LYL1: variants seen among roughly 807,000 people sequenced by gnomAD.
LYL1 encodes protein lyl-1.
A neutral mutation model predicts 11.1 loss-of-function variants in LYL1; 4 were observed. The ratio of observed to expected loss-of-function variants is 0.36; its 90% CI spans 0.18 to 0.82. LYL1 has a LOEUF of 0.82. Ranked by LOEUF, LYL1 falls within the 40% of genes least tolerant of loss-of-function variation. The pLI is 0.49. For missense variants in LYL1, 356 were observed against 397.6 expected (o/e 0.90, Z 0.89); for synonymous variants, 179 against 174.8 (o/e 1.02, Z -0.19).
At position 13,102,071 on chromosome 19, in the gene LYL1, G is replaced by A. The variant is rs1452826506; in HGVS notation, c.-25+460C>T. 2.3e-5 allele frequency: 5 copies of A among 215,358 alleles called. No homozygotes were observed. The highest frequency in any genetic ancestry group is 1.4e-3 in the Middle Eastern group (1 of 692). The allele number at this position is 215,358 out of a possible 1,614,324, so 13.3% of individuals were successfully genotyped here. A position where few individuals can be genotyped will look rare whatever the true frequency, so the allele number is the denominator to read the frequency against. ...ACTGCAGCCTCAAATTCCTGGGCTC[G>A]AGCCATCCTCCTGTCTCAGCCTCCT... On this transcript the variant is annotated intron_variant, in intron 1 of 3. Coordinates refer to ENST00000264824, the MANE Select transcript of LYL1 (RefSeq NM_005583.5). The surrounding 1 kb of genome is among the most constrained non-coding windows in gnomAD (Gnocchi z 4.9).
At position 13,102,130 on chromosome 19, in the gene LYL1, C is replaced by T; in HGVS notation, c.-25+401G>A. 1 of 210,050 alleles carries T rather than the reference C, an allele frequency of 4.8e-6. No homozygotes were observed. Among genetic ancestry groups the T allele is most frequent in the Admixed American group, 5.9e-5 (1 of 16,946 alleles). 13.0% of individuals were successfully genotyped at this position (210,050 alleles called of 1,614,324 possible). A position where few individuals can be genotyped will look rare whatever the true frequency, so the allele number is the denominator to read the frequency against. ...GAGAGTACAGGCATGTGCCACCATGCCCGGCTAATTTAAAAAAAAAAATTT... is the reference window on the plus strand; with the variant it reads ...GAGAGTACAGGCATGTGCCACCATGTCCGGCTAATTTAAAAAAAAAAATTT... On this transcript the variant is annotated intron_variant, in intron 1 of 3. Transcript: ENST00000264824. The surrounding 1 kb of genome is among the most constrained non-coding windows in gnomAD (Gnocchi z 4.9).
rs1476283801 is a variant in LYL1, at chr19:13,099,535, T to G, written c.627A>C (p.Gln209His). ...IGFLVRLLRD[Q>H]AAALAAGPTP... is the part of the protein sequence containing the mutation. Reference sequence around the variant, plus strand: ...TGGGGCCTGCGGCCAGAGCTGCGGCTTGGTCGCGCAGCAGCCGCACCAGGA... The same window carrying G: ...TGGGGCCTGCGGCCAGAGCTGCGGCGTGGTCGCGCAGCAGCCGCACCAGGA... Residue 209 changes from glutamine (Q) to histidine (H), a missense_variant, in exon 4 of 4, where the codon CAA (glutamine) becomes CAC (histidine). By Grantham distance (24) the Gln-to-His change is conservative. Transcript: ENST00000264824. This position sits in a 1 kb window ranked among gnomAD's most constrained non-coding sequence, Gnocchi z 5.3. 2 of 1,509,628 alleles carry G rather than the reference T, an allele frequency of 1.3e-6. No homozygotes were observed. The highest frequency in any genetic ancestry group is 1.8e-6 in the Non-Finnish European group (2 of 1,125,490). 93.5% of individuals were successfully genotyped at this position (1,509,628 alleles called of 1,614,324 possible). A position where few individuals can be genotyped will look rare whatever the true frequency, so the allele number is the denominator to read the frequency against.
rs760109755 is a variant in LYL1, at chr19:13,099,753, G to T, written c.428-19C>A. The T allele has an allele frequency of 1.1e-5, 16 of 1,426,530 alleles. No individual in the cohort carries two copies. In the African/African-American group the frequency reaches 1.9e-4, roughly 17 times the overall value. The allele number at this position is 1,426,530 out of a possible 1,614,324, so 88.4% of individuals were successfully genotyped here. A position where few individuals can be genotyped will look rare whatever the true frequency, so the allele number is the denominator to read the frequency against. On this transcript the variant is annotated intron_variant, in intron 3 of 3. Transcript: ENST00000264824. This position sits in a 1 kb window ranked among gnomAD's most constrained non-coding sequence, Gnocchi z 5.3. ...TGGTGCCCTGTGGACAAGGAGGGCC[G>T]GGTTGGTGCCATGGCCCAAAGGGCG...
rs868218460 is a variant in LYL1 at position 13,102,133 on chromosome 19, G to A, written c.-25+398C>T. The stretch of plus-strand genomic sequence containing the variant: ...AGTACAGGCATGTGCCACCATGCCC[G>A]GCTAATTTAAAAAAAAAAATTTTTT... On this transcript the variant is annotated intron_variant, in intron 1 of 3. Coordinates refer to ENST00000264824, the MANE Select transcript of LYL1 (RefSeq NM_005583.5). This position sits in a 1 kb window ranked among gnomAD's most constrained non-coding sequence, Gnocchi z 4.9. 8 of 208,658 alleles carry A rather than the reference G, an allele frequency of 3.8e-5. No individual in the cohort carries two copies. The highest frequency in any genetic ancestry group is 9.1e-5 in the African/African-American group (4 of 43,774). The allele number at this position is 208,658 out of a possible 1,614,324, so 12.9% of individuals were successfully genotyped here.
intron 3 of LYL1, among the ~76,000 whole-genome samples, chr19:13,100,037 C>T (rs1308650838): frequency 2.0e-5 from 3 of 152,210 alleles, no homozygotes. Context: ...GGAAGCTGTC[C>T]GTGGGGCCCT....
At position 13,099,783 on chromosome 19, in the gene LYL1, C is replaced by T; in HGVS notation, c.428-49G>A. ...GGTGCCATGGCCCAAAGGGCGGCCC[C>T]TCCTGCCCTCCCGCTAGACACGCAG... On this transcript the variant is annotated intron_variant, in intron 3 of 3. Coordinates refer to ENST00000264824, the MANE Select transcript of LYL1 (RefSeq NM_005583.5). The surrounding 1 kb of genome is among the most constrained non-coding windows in gnomAD (Gnocchi z 5.3). 2.2e-6 allele frequency: 3 copies of T among 1,353,920 alleles called. No homozygotes were observed. Among genetic ancestry groups the T allele is most frequent in the South Asian group, 1.6e-5 (1 of 62,304 alleles). 83.9% of individuals were successfully genotyped at this position (1,353,920 alleles called of 1,614,324 possible). A position where few individuals can be genotyped will look rare whatever the true frequency, so the allele number is the denominator to read the frequency against.
Position 13,100,891 on chromosome 19 carries a change from C to T in LYL1, c.281G>A (p.Gly94Glu). ...CAGGGCCAAAGTGGGCGGGGCAGTT[C>T]CCAGGGTGGAGAGTTGCAGCAGCGG... ...RPPLLQLSTLGTAPPTLALHY... is the reference protein window; with the variant it reads ...RPPLLQLSTLETAPPTLALHY... Residue 94 changes from glycine (G) to glutamate (E), a missense_variant, in exon 2 of 4, where the codon GGA becomes GAA. Gly to Glu is a moderately conservative substitution (Grantham distance 98, BLOSUM62 -2). Transcript: ENST00000264824. The T allele has an allele frequency of 1.3e-6, 2 of 1,563,592 alleles. No individual in the cohort carries two copies. The highest frequency in any genetic ancestry group is 1.7e-6 in the Non-Finnish European group (2 of 1,154,194).
In LYL1 at chr19:13,101,051, G is replaced by T. The variant is rs901295130; in HGVS notation, c.121C>A (p.Gln41Lys). ...CCTCGGTGGCCCACCTCCTCCACCT[G>T]CGGGGGCCCAGGCGAGGCAGGCTTA... Reference protein sequence around the residue: ...PPKPASPGPPQVEEVGHRGGS... With the variant: ...PPKPASPGPPKVEEVGHRGGS... The change falls in exon 2 of 4, where the codon CAG becomes AAG. Residue 41 changes from glutamine (Q) to lysine (K), a missense_variant. Coordinates refer to ENST00000264824, the MANE Select transcript of LYL1 (RefSeq NM_005583.5). This position sits in a 1 kb window ranked among gnomAD's most constrained non-coding sequence, Gnocchi z 5.1. The T allele has an allele frequency of 6.7e-7, 1 of 1,487,898 alleles. No individual in the cohort carries two copies. The highest frequency in any genetic ancestry group is 8.9e-7 in the Non-Finnish European group (1 of 1,120,440). The allele number at this position is 1,487,898 out of a possible 1,614,324, so 92.2% of individuals were successfully genotyped here.
rs2018686258 is a variant in LYL1, at chr19:13,101,402, C to T, written c.-24-207G>A. 1.4e-5 allele frequency: 6 copies of T among 423,730 alleles called. No individual in the cohort carries two copies. Among genetic ancestry groups the T allele is most frequent in the Non-Finnish European group, 2.1e-5 (5 of 241,304 alleles). The allele number at this position is 423,730 out of a possible 1,614,324, so 26.2% of individuals were successfully genotyped here. On this transcript the variant is annotated intron_variant, in intron 1 of 3. Coordinates refer to ENST00000264824, the MANE Select transcript of LYL1 (RefSeq NM_005583.5). This position sits in a 1 kb window ranked among gnomAD's most constrained non-coding sequence, Gnocchi z 5.1. ...GGGTCCTACGTTAGAGTAGGAGGCG[C>T]CCCCCAGGTGCTAGGCAGCGCACTG...
rs1017004407 is a variant in LYL1, at chr19:13,100,891, C to G, written c.281G>C (p.Gly94Ala). The change falls in exon 2 of 4, where the codon GGA becomes GCA. Residue 94 changes from glycine to alanine, a missense_variant. By Grantham distance (60) the Gly-to-Ala change is moderately conservative (BLOSUM62 0). Transcript: ENST00000264824. ...CAGGGCCAAAGTGGGCGGGGCAGTTCCCAGGGTGGAGAGTTGCAGCAGCGG... is the reference window on the plus strand; with the variant it reads ...CAGGGCCAAAGTGGGCGGGGCAGTTGCCAGGGTGGAGAGTTGCAGCAGCGG... The part of the protein sequence containing the change: ...RPPLLQLSTL[G>A]TAPPTLALHY... 1 of 1,563,592 alleles carries G rather than the reference C, an allele frequency of 6.4e-7. No homozygotes were observed. Among genetic ancestry groups the G allele is most frequent in the African/African-American group, 1.4e-5 (1 of 73,854 alleles).
At chr19:13,100,809 C>T (rs1290466351) in intron 2 of LYL1, 28 bp downstream of exon 2, 2 of 1,600,998 alleles carry the variant, frequency 1.2e-6, no homozygotes, top group Non-Finnish European at 1.7e-6. Context: ...CCAATCCCCA[C>T]TGCCCCCCAC....
chr19:13,100,681 G>C lies in LYL1; in HGVS notation c.403C>G (p.His135Asp). ...CCCTCAGCCAGGTCCAGCTCACAGTGGCTTGGTCTCCGCTTCAACCGGCTG... is the reference window on the plus strand; with the variant it reads ...CCCTCAGCCAGGTCCAGCTCACAGTCGCTTGGTCTCCGCTTCAACCGGCTG... ...PSSRLKRRPSHCELDLAEGHQ... is the reference protein window; with the variant it reads ...PSSRLKRRPSDCELDLAEGHQ... The change falls in exon 3 of 4, where the codon CAC becomes GAC. Residue 135 changes from histidine (H) to aspartate (D), a missense_variant. Physicochemically the swap from His to Asp is moderately conservative, Grantham distance 81. Transcript: ENST00000264824. 2 of 1,614,212 alleles carry C rather than the reference G, an allele frequency of 1.2e-6. No individual in the cohort carries two copies. The highest frequency in any genetic ancestry group is 1.6e-4 in the Middle Eastern group (1 of 6,062).
Position 13,099,649 on chromosome 19 carries a change from G to C in LYL1, c.513C>G (p.Ala171=), listed in dbSNP as rs140631734. The C allele has an allele frequency of 2.5e-4, 386 of 1,553,016 alleles. 1 individual carries two copies. In the African/African-American group the frequency reaches 3.9e-3, roughly 16 times the overall value. The change falls in exon 4 of 4, where the codon GCC becomes GCG. Residue 171 remains alanine, a synonymous_variant. Coordinates refer to ENST00000264824, the MANE Select transcript of LYL1 (RefSeq NM_005583.5). This position sits in a 1 kb window ranked among gnomAD's most constrained non-coding sequence, Gnocchi z 5.3. The part of the protein sequence containing the change: ...WRQQNVNGAF[A]ELRKLLPTHP... ...GCGTCGGCAGCAGCTTCCTCAGCTC[G>C]GCGAAGGCGCCGTTAACGTTCTGCT...
chr19:13,100,478 C>T (rs1204326667), intron 3 of LYL1, among the ~76,000 whole-genome samples, 179 bp downstream of exon 3: 1 of 152,112 alleles, frequency 6.6e-6, no homozygotes. Context: ...TATGGGACTG[C>T]GATTTTGCAC....
rs908733922 is a variant in LYL1 at position 13,101,851 on chromosome 19, A to T, written c.-24-656T>A. 4.3e-6 allele frequency: 1 copy of T among 232,056 alleles called. No homozygotes were observed. Among genetic ancestry groups the T allele is most frequent in the Non-Finnish European group, 8.5e-6 (1 of 117,606 alleles). The allele number at this position is 232,056 out of a possible 1,614,324, so 14.4% of individuals were successfully genotyped here. Reference sequence around the variant, plus strand: ...CTGTGACCCCACTACTGACACTATGACCTCAAATGCTGACCCTAGACCCCC... The same window carrying T: ...CTGTGACCCCACTACTGACACTATGTCCTCAAATGCTGACCCTAGACCCCC... On this transcript the variant is annotated intron_variant, in intron 1 of 3. Transcript: ENST00000264824. This position sits in a 1 kb window ranked among gnomAD's most constrained non-coding sequence, Gnocchi z 5.1.
In LYL1 at chr19:13,101,726, C is replaced by G. The variant is rs1012757512; in HGVS notation, c.-24-531G>C. 3.5e-5 allele frequency: 8 copies of G among 227,712 alleles called. No homozygotes were observed. The East Asian group carries it at 5.0e-4, about 14-fold the overall frequency. 14.1% of individuals were successfully genotyped at this position (227,712 alleles called of 1,614,324 possible). A position where few individuals can be genotyped will look rare whatever the true frequency, so the allele number is the denominator to read the frequency against. On this transcript the variant is annotated intron_variant, in intron 1 of 3. Transcript: ENST00000264824. The surrounding 1 kb of genome is among the most constrained non-coding windows in gnomAD (Gnocchi z 5.1). ...CCACCCAGGCTGACCCTCTGCACCT[C>G]AAGAATGACCCTGCGGTTCTTCCCA...
rs760199722 is a variant in LYL1 at position 13,099,628 on chromosome 19, C to A, written c.534G>T (p.Pro178=). Residue 178 remains proline, a synonymous_variant, in exon 4 of 4, where the codon CCG becomes CCT. Transcript: ENST00000264824. This position sits in a 1 kb window ranked among gnomAD's most constrained non-coding sequence, Gnocchi z 5.3. ...GAFAELRKLL[P]THPPDRKLSK... ...TCAGCTTCCGGTCGGGCGGGTGCGT[C>A]GGCAGCAGCTTCCTCAGCTCGGCGA... The A allele has an allele frequency of 3.2e-6, 5 of 1,555,546 alleles. No homozygotes were observed. The highest frequency in any genetic ancestry group is 4.3e-6 in the Non-Finnish European group (5 of 1,150,180).
In LYL1 at chr19:13,102,203, C is replaced by T. The variant is rs1027183597; in HGVS notation, c.-25+328G>A. ...CTCTGTTGTCCAGGGTGGTCTGGAA[C>T]TCCTGGGCTCAAGTGATCCTCCTGC... On this transcript the variant is annotated intron_variant, in intron 1 of 3. Coordinates refer to ENST00000264824, the MANE Select transcript of LYL1 (RefSeq NM_005583.5). This position sits in a 1 kb window ranked among gnomAD's most constrained non-coding sequence, Gnocchi z 4.9. The T allele has an allele frequency of 5.0e-5, 10 of 201,520 alleles. No individual in the cohort carries two copies. Among genetic ancestry groups the T allele is most frequent in the Non-Finnish European group, 9.2e-5 (9 of 97,932 alleles). The allele number at this position is 201,520 out of a possible 1,614,324, so 12.5% of individuals were successfully genotyped here.
chr19:13,100,118 G>A (rs911130818), intron 3 of LYL1, among the ~76,000 whole-genome samples: 1 of 152,190 alleles, frequency 6.6e-6, no homozygotes. Flanking sequence ...CATTATGACT[G>A]TCTGTGTCCT....
Sources: allele counts gnomAD v4.1 joint callset (sites outside exome capture counted in the v4.1 genomes callset), GRCh38; gene constraint gnomAD v4.1.1; non-coding constraint Gnocchi (gnomAD v3.1); transcripts MANE v1.5; gene names NCBI Gene and HGNC (gene_info 2026-07-23, HGNC 2026-07-21).